JAM3: variants seen among roughly 807,000 people sequenced by gnomAD.
JAM3 encodes junctional adhesion molecule C.
A neutral mutation model predicts 39.4 loss-of-function variants in JAM3; 31 were observed. That is an observed-to-expected ratio of 0.79 (90% CI 0.59 to 1.06). JAM3 has a LOEUF of 1.06. Among genes scored for constraint, JAM3 ranks in the 50% least tolerant of loss-of-function variants. JAM3 has a pLI of 0.00. For synonymous variants in JAM3, 182 were observed against 148.7 expected, an observed-to-expected ratio of 1.22 and a Z score of -1.63; for missense variants, 455 against 391.4, an observed-to-expected ratio of 1.16 and a Z score of -1.37.
chr11:134,086,071 C>A (rs1941741897), intron 1 of JAM3, among the ~76,000 whole-genome samples: 1 of 152,172 alleles, frequency 6.6e-6, no homozygotes, highest in South Asian at 2.1e-4. Context: ...CATATTTGAG[C>A]CCTATCGTAT....
At chr11:134,076,008 A>G (rs1941562889) in intron 1 of JAM3, among the ~76,000 whole-genome samples, 2 of 150,432 alleles carry the variant, frequency 1.3e-5, no homozygotes, top group Admixed American at 1.3e-4. Flanking sequence ...TTCCAGCTGT[A>G]TCTAACTTAT....
At chr11:134,077,307 G>T (rs538506960) in intron 1 of JAM3, among the ~76,000 whole-genome samples, 1 of 151,152 alleles carries the variant, frequency 6.6e-6, no homozygotes, top group East Asian at 1.9e-4. Context: ...TTTTTAATGG[G>T]ATTATTTTTT....
At chr11:134,106,410 G>A (rs979282557) in intron 1 of JAM3, among the ~76,000 whole-genome samples, 2 of 151,928 alleles carry the variant, frequency 1.3e-5, no homozygotes, top group Non-Finnish European at 2.9e-5. Flanking sequence ...GAAAACCTAG[G>A]CAATACCATT....
In JAM3 at chr11:134,144,976, C is replaced by G. The variant is rs746491039; in HGVS notation, c.594C>G (p.Asn198Lys). The G allele has an allele frequency of 6.8e-6, 11 of 1,613,966 alleles. No homozygotes were observed. The highest frequency in any genetic ancestry group is 9.3e-6 in the Non-Finnish European group (11 of 1,179,822). ...TTCGCAATTCTTCTTTCCACTTAAA[C>G]TCTGAAACAGGCACTTTGGTAAGAT... ...PRFRNSSFHL[N>K]SETGTLVFTA... The change falls in exon 5 of 9, where the codon AAC (asparagine) becomes AAG (lysine). Residue 198 changes from asparagine to lysine, a missense_variant. Coordinates refer to ENST00000299106, the MANE Select transcript of JAM3 (RefSeq NM_032801.5).
intron 4 of JAM3, 93 bp downstream of exon 4, chr11:134,144,486 G>A: frequency 6.8e-7 from 1 of 1,463,116 alleles, no homozygotes; most frequent in Non-Finnish European, 9.6e-7. Context: ...CTGTATCCCT[G>A]AGGGCTTCAC....
chr11:134,083,633 T>C (rs1941701740), intron 1 of JAM3, among the ~76,000 whole-genome samples: 1 of 152,158 alleles, frequency 6.6e-6, no homozygotes, highest in Admixed American at 6.5e-5. Context: ...ATTATTCTAA[T>C]GTGTGAACAG....
intron 1 of JAM3, among the ~76,000 whole-genome samples, chr11:134,102,029 G>A (rs1942084077): frequency 6.6e-6 from 1 of 152,128 alleles, no homozygotes; most frequent in Admixed American, 6.5e-5. Flanking sequence ...AATCCAGCCT[G>A]GGTGACAAAG....
intron 1 of JAM3, among the ~76,000 whole-genome samples, chr11:134,098,510 A>G (rs1942023221): frequency 1.3e-5 from 2 of 152,194 alleles, no homozygotes; most frequent in South Asian, 4.1e-4. Context: ...AATAGTATGT[A>G]TCTAAAGTCA....
intron 1 of JAM3, among the ~76,000 whole-genome samples, chr11:134,127,067 ACAC>A (rs879553459): frequency 2.0e-5 from 3 of 152,240 alleles, no homozygotes; most frequent in South Asian, 4.1e-4. Flanking sequence ...TAAAAACAAA[ACAC>A]CAAAGCGTGT....
chr11:134,108,657 A>C (rs895118800), intron 1 of JAM3, among the ~76,000 whole-genome samples: 2 of 152,234 alleles, frequency 1.3e-5, no homozygotes, highest in Admixed American at 1.3e-4. Flanking sequence ...TATGAAAATC[A>C]GTTAATGTAA....
intron 1 of JAM3, among the ~76,000 whole-genome samples, chr11:134,104,308 A>G (rs1431117845): frequency 6.6e-6 from 1 of 151,904 alleles, no homozygotes; most frequent in Non-Finnish European, 1.5e-5. Context: ...TTTGAAACCA[A>G]TGAGAACAAA....
At chr11:134,132,654 A>G (rs1565500564) in intron 1 of JAM3, among the ~76,000 whole-genome samples, 1 of 152,178 alleles carries the variant, frequency 6.6e-6, no homozygotes, top group Non-Finnish European at 1.5e-5. Context: ...GGCCTTGTTA[A>G]GGACAGAATG....
At chr11:134,070,732 T>G (rs1415240099) in intron 1 of JAM3, among the ~76,000 whole-genome samples, 1 of 152,220 alleles carries the variant, frequency 6.6e-6, no homozygotes, top group African/African-American at 2.4e-5. Context: ...GCAGAAGCAT[T>G]TGGCAGTTTA....
At chr11:134,116,783 C>T (rs548723578) in intron 1 of JAM3, among the ~76,000 whole-genome samples, 13 of 151,886 alleles carry the variant, frequency 8.6e-5, no homozygotes, top group African/African-American at 2.7e-4. Flanking sequence ...TTTATATCCA[C>T]GTATACACAC....
rs543931378 is a variant in JAM3 at position 134,095,495 on chromosome 11, G to T, written c.76+26336G>T. 1.2e-3 allele frequency among the ~76,000 whole-genome samples: 189 copies of T among 152,182 alleles called. 2 individuals carry two copies. Among genetic ancestry groups the T allele is most frequent in the African/African-American group, 4.3e-3 (180 of 41,524 alleles). ...AAATACAAAAAATTAACTGGTTGTG[G>T]TGGCACATGCCTATAATCCCAACTA... On this transcript the variant is annotated intron_variant, in intron 1 of 8. Transcript: ENST00000299106.
At chr11:134,072,642 C>T (rs979592918) in intron 1 of JAM3, among the ~76,000 whole-genome samples, 3 of 152,148 alleles carry the variant, frequency 2.0e-5, no homozygotes, top group African/African-American at 7.2e-5. Flanking sequence ...TATAGTTGGC[C>T]GGGTACAGTG....
chr11:134,100,155 C>A (rs1942048008), intron 1 of JAM3, among the ~76,000 whole-genome samples: 3 of 151,908 alleles, frequency 2.0e-5, no homozygotes, highest in Admixed American at 6.6e-5. Context: ...GAGGTGAATC[C>A]CCCTTTCCTC....
At chr11:134,106,424 G>A (rs922019857) in intron 1 of JAM3, among the ~76,000 whole-genome samples, 5 of 152,054 alleles carry the variant, frequency 3.3e-5, no homozygotes, top group African/African-American at 7.2e-5. Flanking sequence ...TACCATTCAG[G>A]ACATAGGCAT....
chr11:134,137,172 G>T (rs553133073), intron 1 of JAM3, among the ~76,000 whole-genome samples: 6 of 152,078 alleles, frequency 3.9e-5, no homozygotes, highest in African/African-American at 1.4e-4. Context: ...TAATGCAGAG[G>T]GATAAAAGAA....
Sources: gnomAD v4.1 joint callset for allele counts (sites outside exome capture counted in the v4.1 genomes callset) on GRCh38, gnomAD v4.1.1 for gene constraint, MANE v1.5 for transcripts, NCBI Gene and HGNC (gene_info 2026-07-23, HGNC 2026-07-21) for gene names.